The following DEK variants were observed in gnomAD, a reference collection of about 807,000 sequenced individuals.
DEK encodes the protein DEK proto-oncogene.
A neutral mutation model predicts 46.8 loss-of-function variants in DEK; 28 were observed. The observed-to-expected ratio is 0.60, with a 90% CI of 0.44 to 0.82. The LOEUF (loss-of-function observed/expected upper bound fraction) is 0.82. Ranked by LOEUF, DEK falls within the 40% of genes least tolerant of loss-of-function variation. The probability of loss-of-function intolerance (pLI) is 0.00; values close to 1 mark genes in which losing one functional copy is unlikely to be tolerated. For missense variants in DEK, 416 were observed against 430.6 expected, an observed-to-expected ratio of 0.97 and a Z score of 0.30; for synonymous variants, 160 against 144.5, an observed-to-expected ratio of 1.11 and a Z score of -0.77.
intron 9 of DEK, among the ~76,000 whole-genome samples, chr6:18,228,258 G>C (rs752391874): frequency 1.3e-5 from 2 of 152,174 alleles, no homozygotes; most frequent in Non-Finnish European, 2.9e-5. Flanking sequence ...ATAAATAGAT[G>C]TGGCTGTATT....
At chr6:18,231,525 A>C (rs1179004745) in intron 9 of DEK, among the ~76,000 whole-genome samples, 1 of 152,224 alleles carries the variant, frequency 6.6e-6, no homozygotes, top group African/African-American at 2.4e-5. Flanking sequence ...AAAAAATGAT[A>C]AAGGGGATAT....
chr6:18,229,010 T>C (rs1018281389), intron 9 of DEK, among the ~76,000 whole-genome samples: 2 of 152,232 alleles, frequency 1.3e-5, no homozygotes, highest in East Asian at 1.9e-4. Flanking sequence ...CAGTAGGAGC[T>C]GACTGACACC....
chr6:18,232,573 G>A (rs1357547689), intron 9 of DEK, among the ~76,000 whole-genome samples: 2 of 151,786 alleles, frequency 1.3e-5, no homozygotes, highest in Admixed American at 1.3e-4. Context: ...ACCCATAACA[G>A]ACAGAGAGCC....
intron 2 of DEK, among the ~76,000 whole-genome samples, chr6:18,259,426 A>AAT (rs1791751452): frequency 7.9e-6 from 1 of 126,940 alleles, no homozygotes; most frequent in Non-Finnish European, 1.8e-5. Flanking sequence ...AAAAAAAAAA[A>AAT]AAAAAAATCT....
At chr6:18,243,657 G>A (rs1004372487) in intron 7 of DEK, among the ~76,000 whole-genome samples, 8 of 152,138 alleles carry the variant, frequency 5.3e-5, no homozygotes, top group African/African-American at 1.7e-4. Flanking sequence ...TTCCTCAAGA[G>A]GCATGAAGAT....
intron 6 of DEK, among the ~76,000 whole-genome samples, 175 bp downstream of exon 6, chr6:18,255,556 T>A (rs1791561941): frequency 6.6e-6 from 1 of 152,248 alleles, no homozygotes; most frequent in Non-Finnish European, 1.5e-5. Flanking sequence ...CATACCCCTA[T>A]GGCATCTATA....
chr6:18,232,855 G>T (rs1181589684), intron 9 of DEK, among the ~76,000 whole-genome samples: 3 of 152,018 alleles, frequency 2.0e-5, no homozygotes, highest in African/African-American at 7.2e-5. Context: ...AAAAACTAAA[G>T]TTCATATGGA....
intron 10 of DEK, 130 bp from the exon 11 acceptor site, chr6:18,225,860 T>C: frequency 1.8e-6 from 2 of 1,121,062 alleles, no homozygotes; most frequent in Non-Finnish European, 2.6e-6. Context: ...TACCTGCTGA[T>C]CTTCCCCTCA....
chr6:18,250,304 C>T (rs1582283837), intron 6 of DEK, among the ~76,000 whole-genome samples: 1 of 152,104 alleles, frequency 6.6e-6, no homozygotes, highest in African/African-American at 2.4e-5. Context: ...CCCGTCTCTA[C>T]TAAAAATACA....
In DEK at chr6:18,264,414, C is replaced by T; in HGVS notation, c.-39G>A. The stretch of plus-strand genomic sequence containing the variant: ...GATTTCGGCCGCCGCGGGCCTGGCA[C>T]GCGAGGGCACGAGGAGGTTCTGGGA... On this transcript the variant is annotated 5_prime_UTR_variant, in exon 1 of 11. In the 5' UTR this introduces an upstream ATG that the reference lacks. Transcript: ENST00000652689. The T allele has an allele frequency of 3.9e-6, 1 of 256,000 alleles. No homozygotes were observed. Among genetic ancestry groups the T allele is most frequent in the South Asian group, 3.3e-5 (1 of 30,544 alleles). The allele number at this position is 256,000 out of a possible 1,614,324, so 15.9% of individuals were successfully genotyped here. A position where few individuals can be genotyped will look rare whatever the true frequency, so the allele number is the denominator to read the frequency against.
intron 9 of DEK, among the ~76,000 whole-genome samples, chr6:18,233,907 T>C (rs1331453640): frequency 2.0e-5 from 3 of 152,178 alleles, no homozygotes; most frequent in Admixed American, 6.5e-5. Context: ...GTTATGTTTA[T>C]TGCGGCACTA....
At chr6:18,263,043 G>A (rs1791948642) in intron 2 of DEK, among the ~76,000 whole-genome samples, 1 of 152,124 alleles carries the variant, frequency 6.6e-6, no homozygotes, top group Admixed American at 6.5e-5. Context: ...AATGCTAAGA[G>A]ATGCGACTCG....
Position 18,237,502 on chromosome 6 carries a change from T to G in DEK, c.777A>C (p.Thr259=). The change falls in exon 8 of 11, where the codon ACA becomes ACC. Residue 259 remains threonine (T), a synonymous_variant. Coordinates refer to ENST00000652689, the MANE Select transcript of DEK (RefSeq NM_003472.4). ...KESEEEPPKK[T]AKREKPKQKA... Reference sequence around the variant, plus strand: ...TCTGTTTAGGTTTTTCTCTTTTGGCTGTCTTTTTTGGTGGCTGTTACAAAA... The same window carrying G: ...TCTGTTTAGGTTTTTCTCTTTTGGCGGTCTTTTTTGGTGGCTGTTACAAAA... The G allele has an allele frequency of 1.2e-6, 2 of 1,600,866 alleles. No individual in the cohort carries two copies. Among genetic ancestry groups the G allele is most frequent in the Non-Finnish European group, 1.7e-6 (2 of 1,177,002 alleles).
rs56704006 is a variant in DEK at position 18,259,394 on chromosome 6, C to CAAAAAAA, written c.146-996_146-990dup. Among the ~76,000 whole-genome samples the CAAAAAAA allele has an allele frequency of 9.9e-4, 41 of 41,480 alleles. 2 individuals carry two copies. The highest frequency in any genetic ancestry group is 1.7e-3 in the Admixed American group (5 of 2,946). 27.2% of individuals were successfully genotyped at this position (41,480 alleles called of 152,430 possible). On this transcript the variant is annotated intron_variant, in intron 2 of 10. Coordinates refer to ENST00000652689, the MANE Select transcript of DEK (RefSeq NM_003472.4). ...TGGGCGACACAGCAAGACTCCGTCT[C>CAAAAAAA]AAAAAAAAAAAAAAAAAAAAAAAAA...
chr6:18,244,659 C>A, intron 7 of DEK: 2 of 912,770 alleles, frequency 2.2e-6, no homozygotes, highest in South Asian at 3.1e-5. Context: ...ATTCTTTCAA[C>A]AATTTGGCTG....
chr6:18,263,759 G>C, intron 2 of DEK, 84 bp downstream of exon 2: 1 of 1,609,060 alleles, frequency 6.2e-7, no homozygotes, highest in Non-Finnish European at 8.5e-7. Flanking sequence ...AACACCAAAA[G>C]AGCAAGAAAA....
Position 18,237,505 on chromosome 6 carries a change from C to T in DEK, c.774G>A (p.Lys258=), listed in dbSNP as rs755522186. The T allele has an allele frequency of 3.8e-6, 6 of 1,598,408 alleles. No homozygotes were observed. The East Asian group carries it at 1.3e-4, about 36-fold the overall frequency. ...DKESEEEPPK[K]TAKREKPKQK... Reference sequence around the variant, plus strand: ...GTTTAGGTTTTTCTCTTTTGGCTGTCTTTTTTGGTGGCTGTTACAAAAGAA... The same window carrying T: ...GTTTAGGTTTTTCTCTTTTGGCTGTTTTTTTTGGTGGCTGTTACAAAAGAA... Residue 258 remains lysine (K), a synonymous_variant, in exon 8 of 11, where the codon AAG becomes AAA. Coordinates refer to ENST00000652689, the MANE Select transcript of DEK (RefSeq NM_003472.4).
chr6:18,250,326 G>A (rs1176829085), intron 6 of DEK, among the ~76,000 whole-genome samples: 6 of 152,014 alleles, frequency 3.9e-5, no homozygotes, highest in African/African-American at 7.2e-5. Flanking sequence ...AAAATTAGCC[G>A]GGCGTGGTGG....
At chr6:18,247,629 G>A (rs946597384) in intron 7 of DEK, among the ~76,000 whole-genome samples, 1 of 151,898 alleles carries the variant, frequency 6.6e-6, no homozygotes, top group Non-Finnish European at 1.5e-5. Context: ...CAGAACTATG[G>A]GACAACAATT....
Sources: allele counts gnomAD v4.1 joint callset (sites outside exome capture counted in the v4.1 genomes callset), GRCh38; gene constraint gnomAD v4.1.1; transcripts MANE v1.5; gene names NCBI Gene and HGNC (gene_info 2026-07-23, HGNC 2026-07-21).